The following SLC37A3 variants were observed in gnomAD, a reference collection of about 807,000 sequenced individuals.
The protein encoded by SLC37A3 is solute carrier family 37 member 3, also known as sugar phosphate exchanger 3.
Under a neutral mutation model 67.1 loss-of-function variants are expected in SLC37A3, and 51 were observed. That is an observed-to-expected ratio of 0.76 (90% CI 0.61 to 0.96). SLC37A3 has a LOEUF of 0.96. Among genes scored for constraint, SLC37A3 ranks in the 40% least tolerant of loss-of-function variants. The probability of loss-of-function intolerance (pLI) is 0.00; values close to 1 mark genes in which losing one functional copy is unlikely to be tolerated. For synonymous variants in SLC37A3, 214 were observed against 231.4 expected (o/e 0.92, Z 0.68); for missense variants, 508 against 603.0 (o/e 0.84, Z 1.65).
intron 5 of SLC37A3, among the ~76,000 whole-genome samples, chr7:140,362,364 G>T (rs1188563330): frequency 1.4e-5 from 2 of 143,758 alleles, no homozygotes; most frequent in African/African-American, 5.1e-5. Flanking sequence ...CAGCCACCCC[G>T]TCTGGGAAGT....
chr7:140,384,515 C>A (rs1798372706), intron 1 of SLC37A3, among the ~76,000 whole-genome samples: 1 of 151,570 alleles, frequency 6.6e-6, no homozygotes, highest in Admixed American at 6.6e-5. Flanking sequence ...AGTTTGAGAA[C>A]AGCCTGGGCA....
intron 4 of SLC37A3, among the ~76,000 whole-genome samples, chr7:140,366,069 C>A: frequency 6.6e-6 from 1 of 151,488 alleles, no homozygotes; most frequent in Non-Finnish European, 1.5e-5. Context: ...TCCCGAGTAG[C>A]TGGGACTACA....
intron 1 of SLC37A3, among the ~76,000 whole-genome samples, chr7:140,389,705 C>A (rs984457962): frequency 1.6e-4 from 24 of 152,162 alleles, no homozygotes; most frequent in African/African-American, 5.3e-4. Context: ...AAGATGACTT[C>A]GCACTGCAGC....
At chr7:140,385,827 G>A (rs535462227) in intron 1 of SLC37A3, among the ~76,000 whole-genome samples, 4 of 152,134 alleles carry the variant, frequency 2.6e-5, no homozygotes, top group Non-Finnish European at 5.9e-5. Context: ...CTGTTGCCCA[G>A]GCTGGAATGC....
At chr7:140,392,908 A>T (rs971658039) in intron 1 of SLC37A3, among the ~76,000 whole-genome samples, 1 of 152,182 alleles carries the variant, frequency 6.6e-6, no homozygotes, top group African/African-American at 2.4e-5. Context: ...CCGGGCCAAC[A>T]TGATGAAACT....
chr7:140,335,539 C>T (rs745913112), intron 14 of SLC37A3, 35 bp from the exon 15 acceptor site: 23 of 1,602,924 alleles, frequency 1.4e-5, no homozygotes, highest in East Asian at 2.2e-5. Context: ...TATGCAGCAA[C>T]AGTTTACTTC....
intron 7 of SLC37A3, among the ~76,000 whole-genome samples, chr7:140,353,915 T>A (rs908288844): frequency 2.6e-5 from 4 of 152,170 alleles, no homozygotes; most frequent in African/African-American, 9.7e-5. Context: ...TTTCATCATG[T>A]TGGCCAGGCT....
At chr7:140,376,770 G>A (rs907853955) in intron 3 of SLC37A3, among the ~76,000 whole-genome samples, 4 of 151,934 alleles carry the variant, frequency 2.6e-5, no homozygotes, top group African/African-American at 9.7e-5. Flanking sequence ...AGGTTGAGAT[G>A]GAATGTCCAA....
At chr7:140,364,345 G>A in intron 5 of SLC37A3, 63 bp downstream of exon 5, 1 of 1,412,734 alleles carries the variant, frequency 7.1e-7, no homozygotes, top group Non-Finnish European at 9.9e-7. Flanking sequence ...CAGAGAAGTA[G>A]GGAGATTACT....
chr7:140,360,611 G>A (rs1797227135), intron 5 of SLC37A3, among the ~76,000 whole-genome samples: 1 of 151,408 alleles, frequency 6.6e-6, no homozygotes, highest in South Asian at 2.1e-4. Flanking sequence ...GTGCACACCT[G>A]TAGTCCCAGC....
chr7:140,340,045 G>A (rs566639792), intron 13 of SLC37A3, among the ~76,000 whole-genome samples: 5 of 152,192 alleles, frequency 3.3e-5, no homozygotes, highest in Admixed American at 6.5e-5. Context: ...GCCCTTTCCT[G>A]TTTTTTAATT....
intron 13 of SLC37A3, 52 bp from the exon 14 acceptor site, chr7:140,337,401 G>A: frequency 1.4e-6 from 2 of 1,424,110 alleles, no homozygotes; most frequent in Non-Finnish European, 1.9e-6. Context: ...ATTCATAAAA[G>A]GAAGCAGCTA....
chr7:140,349,504 C>T (rs1465882516), intron 9 of SLC37A3, among the ~76,000 whole-genome samples: 1 of 149,604 alleles, frequency 6.7e-6, no homozygotes, highest in African/African-American at 2.5e-5. Flanking sequence ...CACATTACTA[C>T]CAGGAAATCC....
chr7:140,381,885 G>T (rs1168473715), intron 2 of SLC37A3, among the ~76,000 whole-genome samples: 2 of 151,562 alleles, frequency 1.3e-5, no homozygotes, highest in African/African-American at 2.4e-5. Context: ...ATGGTGACAC[G>T]CACCTGTAAT....
chr7:140,380,897 C>CTTCTTTTT (rs57748652), intron 2 of SLC37A3, among the ~76,000 whole-genome samples: 1 of 125,880 alleles, frequency 7.9e-6, no homozygotes, highest in Non-Finnish European at 1.6e-5. Flanking sequence ...TCTTCTTCTT[C>CTTCTTTTT]TTTTTTTTTT....
rs372748434 is a variant in SLC37A3, at chr7:140,358,768, C to A, written c.393G>T (p.Ala131=). 1.2e-6 allele frequency: 2 copies of A among 1,614,024 alleles called. No individual in the cohort carries two copies. Among genetic ancestry groups the A allele is most frequent in the Admixed American group, 3.3e-5 (2 of 59,996 alleles). The change falls in exon 6 of 15, where the codon GCG becomes GCT. Residue 131 remains alanine (A), a synonymous_variant. Coordinates refer to ENST00000326232, the MANE Select transcript of SLC37A3 (RefSeq NM_207113.3). ...TGTAGAAACGCAGCCATTCTGTGAG[C>A]GCACCAAAGACAAACACCTTGAAGA... ...SSALVVFVFG[A]LTEWLRFYNK...
chr7:140,342,757 G>A (rs765469642), intron 13 of SLC37A3, among the ~76,000 whole-genome samples: 3 of 152,084 alleles, frequency 2.0e-5, no homozygotes, highest in Non-Finnish European at 2.9e-5. Flanking sequence ...ATCTGAGTGT[G>A]GAAGAATCAC....
chr7:140,355,837 C>T (rs1327084655), intron 6 of SLC37A3, 73 bp from the exon 7 acceptor site: 4 of 1,295,550 alleles, frequency 3.1e-6, no homozygotes, highest in Non-Finnish European at 4.4e-6. Flanking sequence ...AAATACAAAA[C>T]AGCCAAAACA....
intron 3 of SLC37A3, among the ~76,000 whole-genome samples, chr7:140,376,495 G>T (rs78333400): frequency 6.6e-6 from 1 of 152,144 alleles, no homozygotes; most frequent in Admixed American, 6.6e-5. Context: ...GTATTGTGCT[G>T]GGGGGACTAT....
Sources: gnomAD v4.1 joint callset for allele counts (sites outside exome capture counted in the v4.1 genomes callset) on GRCh38, gnomAD v4.1.1 for gene constraint, MANE v1.5 for transcripts, NCBI Gene and HGNC (gene_info 2026-07-23, HGNC 2026-07-21) for gene names.